Variants in NKAIN3 observed in about 807,000 individuals in gnomAD.
The protein encoded by NKAIN3 is sodium/potassium transporting ATPase interacting 3.
A neutral mutation model predicts 30.2 loss-of-function variants in NKAIN3; 25 were observed. That is an observed-to-expected ratio of 0.83 (90% CI 0.60 to 1.16). The LOEUF (loss-of-function observed/expected upper bound fraction) is 1.16. NKAIN3 is among the 50% of genes most tolerant of loss of function. The pLI, the probability that NKAIN3 is intolerant of heterozygous loss-of-function variation, is 0.00. For synonymous variants in NKAIN3, 91 were observed against 89.6 expected (o/e 1.02, Z -0.09); for missense variants, 225 against 254.1 (o/e 0.89, Z 0.78).
intron 3 of NKAIN3, among the ~76,000 whole-genome samples, chr8:62,604,882 T>C (rs1811077321): frequency 6.6e-6 from 1 of 152,160 alleles, no homozygotes; most frequent in Non-Finnish European, 1.5e-5. Flanking sequence ...AAACAAATGA[T>C]GGCAGAAGTT....
At chr8:62,253,292 C>G (rs1812167013) in intron 1 of NKAIN3, among the ~76,000 whole-genome samples, 1 of 152,196 alleles carries the variant, frequency 6.6e-6, no homozygotes, top group Non-Finnish European at 1.5e-5. Flanking sequence ...TAGAGAACAT[C>G]TGACTGGGTA....
At chr8:62,772,967 C>CT (rs1247600602) in intron 4 of NKAIN3, among the ~76,000 whole-genome samples, 4 of 151,888 alleles carry the variant, frequency 2.6e-5, no homozygotes, top group Admixed American at 6.6e-5. Context: ...CTCTTTTGCC[C>CT]TTTTTTTATT....
intron 3 of NKAIN3, among the ~76,000 whole-genome samples, chr8:62,640,111 C>T (rs1219226526): frequency 6.6e-6 from 1 of 152,042 alleles, no homozygotes; most frequent in African/African-American, 2.4e-5. Flanking sequence ...GGTGGAATCC[C>T]AAGGTTGTAC....
At chr8:62,784,058 T>G (rs1817441021) in intron 4 of NKAIN3, among the ~76,000 whole-genome samples, 1 of 152,060 alleles carries the variant, frequency 6.6e-6, no homozygotes, top group Non-Finnish European at 1.5e-5. Context: ...AAGTGTGTTC[T>G]CTGACCATAA....
intron 1 of NKAIN3, among the ~76,000 whole-genome samples, chr8:62,528,407 A>G (rs1176905359): frequency 2.0e-5 from 3 of 149,368 alleles, no homozygotes; most frequent in Non-Finnish European, 4.4e-5. Flanking sequence ...AGGACTTAAA[A>G]ATGCCAGTTT....
chr8:62,729,043 A>AAAAAAAAAAAAAAAAAAC (rs1815378896), intron 3 of NKAIN3, among the ~76,000 whole-genome samples: 1 of 128,652 alleles, frequency 7.8e-6, no homozygotes, highest in African/African-American at 3.3e-5. Context: ...AAAAAAACAA[A>AAAAAAAAAAAAAAAAAAC]AAAAAAAAAC....
intron 4 of NKAIN3, among the ~76,000 whole-genome samples, chr8:62,895,642 G>A (rs963971401): frequency 2.6e-5 from 4 of 152,124 alleles, no homozygotes; most frequent in Admixed American, 2.0e-4. Context: ...CCATATCCTA[G>A]GCGGGGTATC....
chr8:62,290,847 A>G (rs3960009), intron 1 of NKAIN3, among the ~76,000 whole-genome samples: 144,525 of 152,276 alleles, frequency 0.95, 68,659 homozygotes, highest in East Asian at 1. Flanking sequence ...GGTAGAATTC[A>G]GCTGTGAATC....
intron 3 of NKAIN3, among the ~76,000 whole-genome samples, chr8:62,611,019 AG>A (rs1811272894): frequency 6.6e-6 from 1 of 152,098 alleles, no homozygotes; most frequent in Non-Finnish European, 1.5e-5. Context: ...CTGAAATTTC[AG>A]TGGGGGAAAA....
intron 1 of NKAIN3, among the ~76,000 whole-genome samples, chr8:62,338,672 C>A (rs1337735112): frequency 1.3e-5 from 2 of 151,888 alleles, no homozygotes; most frequent in African/African-American, 2.4e-5. Flanking sequence ...CATCTGCAAG[C>A]TGAGGAGCAA....
intron 6 of NKAIN3, 142 bp from the exon 7 acceptor site, chr8:62,965,212 T>C: frequency 1.3e-6 from 1 of 762,728 alleles, no homozygotes. Flanking sequence ...GGCCCAAGTC[T>C]TTAACTTTCT....
chr8:62,313,448 T>C (rs78787775), intron 1 of NKAIN3, among the ~76,000 whole-genome samples: 3,004 of 152,238 alleles, frequency 0.02, 98 homozygotes, highest in African/African-American at 0.066. Context: ...AAAAGAACAA[T>C]AATGCAATTA....
rs192213141 is a variant in NKAIN3 at position 62,895,764 on chromosome 8, C to T, written c.472-22689C>T. Among the ~76,000 whole-genome samples, 41 of 152,202 alleles carry T rather than the reference C, an allele frequency of 2.7e-4. 1 individual carries two copies. Among genetic ancestry groups the T allele is most frequent in the Admixed American group, 2.5e-3 (38 of 15,276 alleles). On this transcript the variant is annotated intron_variant, in intron 4 of 6. Transcript: ENST00000623646. The stretch of plus-strand genomic sequence containing the variant: ...AGTTCTGGTCCTTCTTCCCTAATGT[C>T]GTGGGCTGGGTCCTTCCTCCTATCC...
At chr8:62,602,219 T>C (rs1383195) in intron 3 of NKAIN3, among the ~76,000 whole-genome samples, 152,049 of 152,196 alleles carry the variant, frequency 1, 75,952 homozygotes, top group Middle Eastern at 1. Context: ...TACCAAGGAG[T>C]AGATGAATAT....
intron 1 of NKAIN3, among the ~76,000 whole-genome samples, chr8:62,529,316 A>G (rs78214515): frequency 0.033 from 5,038 of 152,252 alleles, 230 homozygotes; most frequent in African/African-American, 0.11. Context: ...ATTTTTGACA[A>G]ATCTCACTGA....
intron 1 of NKAIN3, among the ~76,000 whole-genome samples, chr8:62,416,057 A>T (rs1804435559): frequency 6.6e-6 from 1 of 151,998 alleles, no homozygotes. Flanking sequence ...CGCCTGGCCT[A>T]AGAATTATTT....
chr8:62,306,849 C>T (rs529339174), intron 1 of NKAIN3, among the ~76,000 whole-genome samples: 2 of 149,632 alleles, frequency 1.3e-5, no homozygotes, highest in Admixed American at 6.6e-5. Flanking sequence ...GTTCTGATCT[C>T]GGTGCTCACC....
At chr8:62,408,385 A>C (rs1029324502) in intron 1 of NKAIN3, among the ~76,000 whole-genome samples, 1 of 152,170 alleles carries the variant, frequency 6.6e-6, no homozygotes, top group Non-Finnish European at 1.5e-5. Flanking sequence ...TATACAGCCC[A>C]CAAGACTGAA....
At chr8:62,695,689 T>C (rs1272872061) in intron 3 of NKAIN3, among the ~76,000 whole-genome samples, 3 of 152,210 alleles carry the variant, frequency 2.0e-5, no homozygotes, top group African/African-American at 7.2e-5. Flanking sequence ...ACATGGATTC[T>C]ATGCTGTGCA....
Sources: allele counts gnomAD v4.1 joint callset (sites outside exome capture counted in the v4.1 genomes callset), GRCh38; gene constraint gnomAD v4.1.1; transcripts MANE v1.5; gene names NCBI Gene and HGNC (gene_info 2026-07-23, HGNC 2026-07-21).